ZNF133: variants seen among roughly 807,000 people sequenced by gnomAD.
ZNF133 encodes the protein zinc finger protein 133.
Under a neutral mutation model 54.9 loss-of-function variants are expected in ZNF133, and 26 were observed. That is an observed-to-expected ratio of 0.47 (90% CI 0.35 to 0.66). The LOEUF is 0.66. Ranked by LOEUF, ZNF133 falls within the 30% of genes least tolerant of loss-of-function variation. ZNF133 has a pLI of 0.01. For missense variants in ZNF133, 653 were observed against 820.8 expected, an observed-to-expected ratio of 0.80 and a Z score of 2.50; for synonymous variants, 298 against 320.3, an observed-to-expected ratio of 0.93 and a Z score of 0.74.
chr20:18,310,265 G>A (rs2045575749), intron 6 of ZNF133: 2 of 1,532,716 alleles, frequency 1.3e-6, no homozygotes, highest in Middle Eastern at 1.7e-4. Flanking sequence ...AGCTGTCTTG[G>A]AAACCCAAAA....
intron 1 of ZNF133, among the ~76,000 whole-genome samples, chr20:18,290,900 G>T (rs542566547): frequency 2.6e-5 from 4 of 152,176 alleles, no homozygotes; most frequent in Non-Finnish European, 5.9e-5. Context: ...GCCAGAGCGG[G>T]CAGATCACCT....
At chr20:18,312,896 G>C (rs951991158) in intron 6 of ZNF133, 2 of 152,148 alleles carry the variant, frequency 1.3e-5, no homozygotes, top group African/African-American at 4.8e-5. Context: ...TTTTAGAAGA[G>C]ACAGGGTTTC....
rs2047637923 is a variant in ZNF133, at chr20:18,316,891, G to A, written c.*75G>A. 2 of 1,484,632 alleles carry A rather than the reference G, an allele frequency of 1.3e-6. No homozygotes were observed. The highest frequency in any genetic ancestry group is 2.3e-5 in the East Asian group (1 of 43,848). 92.0% of individuals were successfully genotyped at this position (1,484,632 alleles called of 1,614,324 possible). On this transcript the variant is annotated 3_prime_UTR_variant, in exon 7 of 7. Transcript: ENST00000425686. ...GAAATGGAGTAGAGAAATGCATTCT[G>A]TAAGTGGTCAAAGGACATTTGACTG... is the stretch of plus-strand genomic sequence containing the variant.
Position 18,305,951 on chromosome 20 carries a change from C to CT in ZNF133, c.121+145dup. 1 of 1,127,774 alleles carries CT rather than the reference C, an allele frequency of 8.9e-7. No homozygotes were observed. The highest frequency in any genetic ancestry group is 1.7e-5 in the South Asian group (1 of 60,228). 69.9% of individuals were successfully genotyped at this position (1,127,774 alleles called of 1,614,324 possible). On this transcript the variant is annotated intron_variant, in intron 5 of 6. Transcript: ENST00000425686. This position sits in a 1 kb window ranked among gnomAD's most constrained non-coding sequence, Gnocchi z 4.7. ...TTATTCGTGTTTCCCCAGGGAGGGT[C>CT]TGATTTTGCAGAGTGGAAAATGGGT...
In ZNF133 at chr20:18,315,738, A is replaced by G. The variant is rs1475523662; in HGVS notation, c.887A>G (p.Lys296Arg). The change falls in exon 7 of 7, where the codon AAA (lysine) becomes AGA (arginine). Residue 296 changes from lysine to arginine, a missense_variant. Physicochemically the swap from Lys to Arg is conservative, Grantham distance 26. Transcript: ENST00000425686. ...IIHERTHSGEKPYMCSECGRG... is the reference protein window; with the variant it reads ...IIHERTHSGERPYMCSECGRG... ...CACGAACGGACACACTCCGGTGAGA[A>G]ACCTTACATGTGCAGTGAGTGTGGG... is the stretch of plus-strand genomic sequence containing the variant. The G allele has an allele frequency of 6.2e-7, 1 of 1,614,112 alleles. No individual in the cohort carries two copies. The highest frequency in any genetic ancestry group is 8.5e-7 in the Non-Finnish European group (1 of 1,179,972).
intron 5 of ZNF133, among the ~76,000 whole-genome samples, chr20:18,306,062 A>G (rs989098773): frequency 6.6e-6 from 1 of 152,080 alleles, no homozygotes; most frequent in South Asian, 2.1e-4. Flanking sequence ...TTCTCATCCT[A>G]TGTTAACTTG....
In ZNF133 at chr20:18,305,563, G is replaced by T; in HGVS notation, c.-6-118G>T. ...AAAAGTCTTGGAACACATGGCACCA[G>T]GGTCACTGGGATCTTGATATCTCAC... is the stretch of plus-strand genomic sequence containing the variant. On this transcript the variant is annotated intron_variant, in intron 4 of 6. Coordinates refer to ENST00000425686, the MANE Select transcript of ZNF133 (RefSeq NM_001352452.2). The surrounding 1 kb of genome is among the most constrained non-coding windows in gnomAD (Gnocchi z 4.7). 1 of 1,445,450 alleles carries T rather than the reference G, an allele frequency of 6.9e-7. No homozygotes were observed. The highest frequency in any genetic ancestry group is 1.2e-5 in the South Asian group (1 of 82,528). The allele number at this position is 1,445,450 out of a possible 1,614,324, so 89.5% of individuals were successfully genotyped here. A position where few individuals can be genotyped will look rare whatever the true frequency, so the allele number is the denominator to read the frequency against.
At chr20:18,311,959 C>G (rs2046128617) in intron 6 of ZNF133, among the ~76,000 whole-genome samples, 1 of 152,194 alleles carries the variant, frequency 6.6e-6, no homozygotes, top group East Asian at 1.9e-4. Context: ...GGTTGACTCT[C>G]CCTTATCCAA....
At chr20:18,294,071 A>G (rs2146934163) in intron 1 of ZNF133, among the ~76,000 whole-genome samples, 1 of 152,324 alleles carries the variant, frequency 6.6e-6, no homozygotes, top group South Asian at 2.1e-4. Context: ...CAAGATATTT[A>G]TTAATTATAA....
intron 6 of ZNF133, 33 bp downstream of exon 6, chr20:18,306,426 G>A (rs767075525): frequency 1.8e-5 from 29 of 1,598,298 alleles, no homozygotes; most frequent in Non-Finnish European, 2.3e-5. Flanking sequence ...AATGAGACAT[G>A]AGCTCAGCAG....
rs752998378 is a variant in ZNF133 at position 18,306,327 on chromosome 20, A to G, written c.151A>G (p.Thr51Ala). 1.2e-6 allele frequency: 2 copies of G among 1,613,720 alleles called. No individual in the cohort carries two copies. Among genetic ancestry groups the G allele is most frequent in the Non-Finnish European group, 1.7e-6 (2 of 1,179,938 alleles). Residue 51 changes from threonine to alanine, a missense_variant, in exon 6 of 7, where the codon ACC becomes GCC. Coordinates refer to ENST00000425686, the MANE Select transcript of ZNF133 (RefSeq NM_001352452.2). ...TTCATTTTCTAAACCAGAACTCATC[A>G]CCCAGCTGGAGCAAGGGAAAGAGAC... ...GISFSKPELI[T>A]QLEQGKETWR...
rs568687749 is a variant in ZNF133, at chr20:18,299,130, A to G, written c.-178+666A>G. On this transcript the variant is annotated intron_variant, in intron 3 of 6. Transcript: ENST00000425686. ...AATAAACTGAAAACATCCCTGACAA[A>G]GGCCAGATAGTGTACTTACTAAACA... 5.3e-5 allele frequency among the ~76,000 whole-genome samples: 8 copies of G among 152,328 alleles called. No individual in the cohort carries two copies. In the South Asian group the frequency reaches 1.4e-3, roughly 28 times the overall value.
At chr20:18,309,015 G>A (rs1208800226) in intron 6 of ZNF133, among the ~76,000 whole-genome samples, 3 of 152,174 alleles carry the variant, frequency 2.0e-5, no homozygotes, top group Non-Finnish European at 2.9e-5. Context: ...AGCAGGTTTG[G>A]TTGCTCTGAG....
chr20:18,291,691 C>T (rs1229499321), intron 1 of ZNF133, among the ~76,000 whole-genome samples: 1 of 151,384 alleles, frequency 6.6e-6, no homozygotes, highest in East Asian at 1.9e-4. Flanking sequence ...CTGTCTCCTT[C>T]TTCACATTTC....
At chr20:18,299,812 A>G (rs2043000303) in intron 3 of ZNF133, among the ~76,000 whole-genome samples, 2 of 152,204 alleles carry the variant, frequency 1.3e-5, no homozygotes, top group Non-Finnish European at 2.9e-5. Flanking sequence ...AAGAAAACGA[A>G]CAAACAAAAA....
Position 18,316,623 on chromosome 20 carries a change from C to G in ZNF133, c.1772C>G (p.Ser591Ter). 6.2e-7 allele frequency: 1 copy of G among 1,614,050 alleles called. No homozygotes were observed. The highest frequency in any genetic ancestry group is 8.5e-7 in the Non-Finnish European group (1 of 1,180,000). ...TGTGGCCAAGGCTTTCTCCAAAAGT[C>G]ACACCTCACCTTACATCAAATGACA... ...RECGQGFLQK[S>*]HLTLHQMTHT... The change falls in exon 7 of 7, where the codon TCA (serine) becomes TGA (stop). Residue 591 changes from serine to a stop codon, truncating the protein, a stop_gained. Coordinates refer to ENST00000425686, the MANE Select transcript of ZNF133 (RefSeq NM_001352452.2). LOFTEE classifies it high-confidence loss of function.
intron 6 of ZNF133, among the ~76,000 whole-genome samples, chr20:18,311,608 G>A (rs1600544957): frequency 6.6e-6 from 1 of 152,132 alleles, no homozygotes; most frequent in African/African-American, 2.4e-5. Context: ...ACATAAGGCT[G>A]ATCTCATTAG....
chr20:18,306,201 T>C, intron 5 of ZNF133, 97 bp from the exon 6 acceptor site: 4 of 1,178,886 alleles, frequency 3.4e-6, no homozygotes, highest in Non-Finnish European at 4.8e-6. Flanking sequence ...CAGGGCTTTG[T>C]ACTACCTTTG....
intron 6 of ZNF133, among the ~76,000 whole-genome samples, chr20:18,310,918 A>G (rs2045758013): frequency 6.6e-6 from 1 of 152,216 alleles, no homozygotes; most frequent in Admixed American, 6.5e-5. Flanking sequence ...AAGTAACAGG[A>G]GTTACCATAA....
Sources: allele counts gnomAD v4.1 joint callset (sites outside exome capture counted in the v4.1 genomes callset), GRCh38; gene constraint gnomAD v4.1.1; non-coding constraint Gnocchi (gnomAD v3.1); transcripts MANE v1.5; gene names NCBI Gene and HGNC (gene_info 2026-07-23, HGNC 2026-07-21).